The following SCAP variants were observed in gnomAD, a reference collection of about 807,000 sequenced individuals.
SCAP encodes the protein SREBF chaperone, also known as sterol regulatory element-binding protein cleavage-activating protein.
Under a neutral mutation model 123.6 loss-of-function variants are expected in SCAP, and 65 were observed. That is an observed-to-expected ratio of 0.53 (90% confidence interval 0.43 to 0.65). The LOEUF is 0.65. SCAP is among the 30% of genes least tolerant of loss of function. The pLI is 0.00. For synonymous variants in SCAP, 740 were observed against 726.3 expected, an observed-to-expected ratio of 1.02 and a Z score of -0.30; for missense variants, 1,398 against 1,712.5, an observed-to-expected ratio of 0.82 and a Z score of 3.24.
In SCAP at chr3:47,439,078, A is replaced by G. The variant is rs1706700624; in HGVS notation, c.122+3794T>C. On this transcript the variant is annotated intron_variant, in intron 2 of 22. Coordinates refer to ENST00000265565, the MANE Select transcript of SCAP (RefSeq NM_012235.4). This position sits in a 1 kb window ranked among gnomAD's most constrained non-coding sequence, Gnocchi z 4.0. Reference sequence around the variant, plus strand: ...TGACTTACGATGGGGTTATGTCCTGATAACGCTGTCGTAAATTGAAAATAT... The same window carrying G: ...TGACTTACGATGGGGTTATGTCCTGGTAACGCTGTCGTAAATTGAAAATAT... Among the ~76,000 whole-genome samples, 1 of 152,132 alleles carries G rather than the reference A, an allele frequency of 6.6e-6. No homozygotes were observed. Among genetic ancestry groups the G allele is most frequent in the South Asian group, 2.1e-4 (1 of 4,828 alleles).
At position 47,428,571 on chromosome 3, in the gene SCAP, G is replaced by A. The variant is rs1308791748; in HGVS notation, c.352C>T (p.Pro118Ser). ...ACCAGTTGGAATGCCCGGGACAAAG[G>A]TGAACGAAATACATCTACTGCCAGG... Reference protein sequence around the residue: ...NLLAVDVFRSPLSRAFQLVEE... With the variant: ...NLLAVDVFRSSLSRAFQLVEE... The change falls in exon 4 of 23, where the codon CCT becomes TCT. Residue 118 changes from proline to serine, a missense_variant. By Grantham distance (74) the Pro-to-Ser change is moderately conservative (BLOSUM62 -1). Transcript: ENST00000265565. The A allele has an allele frequency of 6.2e-7, 1 of 1,614,182 alleles. No individual in the cohort carries two copies. The highest frequency in any genetic ancestry group is 8.5e-7 in the Non-Finnish European group (1 of 1,180,048).
rs1047277467 is a variant in SCAP at position 47,439,924 on chromosome 3, T to G, written c.122+2948A>C. The stretch of plus-strand genomic sequence containing the variant: ...CACACATCCTCAGTGCTGTTTGGGG[T>G]GAGCCTGATGCATATACAGATGCCC... On this transcript the variant is annotated intron_variant, in intron 2 of 22. Transcript: ENST00000265565. The surrounding 1 kb of genome is among the most constrained non-coding windows in gnomAD (Gnocchi z 4.0). Among the ~76,000 whole-genome samples, 2 of 152,146 alleles carry G rather than the reference T, an allele frequency of 1.3e-5. No individual in the cohort carries two copies. The highest frequency in any genetic ancestry group is 2.9e-5 in the Non-Finnish European group (2 of 68,018).
chr3:47,432,538 C>T (rs578145127), intron 3 of SCAP, among the ~76,000 whole-genome samples: 9 of 152,176 alleles, frequency 5.9e-5, no homozygotes, highest in South Asian at 2.1e-4. Context: ...TCCCACACCA[C>T]GCGTATGCAA....
At chr3:47,418,618 G>GCC in intron 14 of SCAP, 37 bp downstream of exon 14, 1 of 469,592 alleles carries the variant, frequency 2.1e-6, no homozygotes, top group Non-Finnish European at 3.0e-6. Flanking sequence ...CCCCCTCCCC[G>GCC]CACTCTTTCC....
chr3:47,419,422 T>C lies in SCAP; in HGVS notation c.1846A>G (p.Thr616Ala). 6.2e-7 allele frequency: 1 copy of C among 1,611,584 alleles called. No individual in the cohort carries two copies. Among genetic ancestry groups the C allele is most frequent in the African/African-American group, 1.3e-5 (1 of 74,096 alleles). ...AGTTCCTCATCCTCAGGCCCCCAGGTTACCTCTGGGACTGGGCTGTCATGG... is the reference window on the plus strand; with the variant it reads ...AGTTCCTCATCCTCAGGCCCCCAGGCTACCTCTGGGACTGGGCTGTCATGG... The part of the protein sequence containing the change: ...VVHDSPVPEV[T>A]WGPEDEELWR... The change falls in exon 13 of 23, where the codon ACC (threonine) becomes GCC (alanine). Residue 616 changes from threonine to alanine, a missense_variant. By Grantham distance (58) the Thr-to-Ala change is moderately conservative. This residue lies in a region of SCAP where 828 missense variants were observed against 882.5 expected (regional missense o/e 0.94). Transcript: ENST00000265565. The surrounding 1 kb of genome is among the most constrained non-coding windows in gnomAD (Gnocchi z 5.0).
At chr3:47,475,696 A>G (rs1576328088) in intron 1 of SCAP, 103 bp downstream of exon 1, 1 of 152,378 alleles carries the variant, frequency 6.6e-6, no homozygotes, top group Non-Finnish European at 1.5e-5. Flanking sequence ...ATGCCCACGC[A>G]CCCCCGAACC....
chr3:47,425,118 AGTGT>A (rs928102131), intron 8 of SCAP, among the ~76,000 whole-genome samples: 5 of 152,172 alleles, frequency 3.3e-5, no homozygotes, highest in African/African-American at 1.2e-4. Flanking sequence ...ATCAAGCTGC[AGTGT>A]GTGTGTGGTG....
In SCAP at chr3:47,450,225, T is replaced by G. The variant is rs1003814561; in HGVS notation, c.-98-7134A>C. ...GTTGGCCAGGCTGGTCTCCAATTCCTGACCTCAATGAATCTGCCTGCCTCA... is the reference window on the plus strand; with the variant it reads ...GTTGGCCAGGCTGGTCTCCAATTCCGGACCTCAATGAATCTGCCTGCCTCA... On this transcript the variant is annotated intron_variant, in intron 1 of 22. Transcript: ENST00000265565. Among the ~76,000 whole-genome samples the G allele has an allele frequency of 4.8e-5, 6 of 124,542 alleles. 1 individual carries two copies. The highest frequency in any genetic ancestry group is 3.6e-4 in the Admixed American group (4 of 11,258). 81.7% of individuals were successfully genotyped at this position (124,542 alleles called of 152,430 possible). A position where few individuals can be genotyped will look rare whatever the true frequency, so the allele number is the denominator to read the frequency against.
At chr3:47,444,468 A>G (rs1706945808) in intron 1 of SCAP, among the ~76,000 whole-genome samples, 1 of 152,166 alleles carries the variant, frequency 6.6e-6, no homozygotes, top group Non-Finnish European at 1.5e-5. Context: ...CAAGTTTCCA[A>G]TCCAGGAACC....
chr3:47,418,626 T>TA, intron 14 of SCAP, 29 bp downstream of exon 14: 2 of 1,459,552 alleles, frequency 1.4e-6, no homozygotes, highest in Non-Finnish European at 9.5e-7. Context: ...CCGCACTCTT[T>TA]CCCACCCCAC....
chr3:47,428,602 C>G lies in SCAP; in HGVS notation c.321G>C (p.Lys107Asn). 6.2e-7 allele frequency: 1 copy of G among 1,614,162 alleles called. No individual in the cohort carries two copies. Among genetic ancestry groups the G allele is most frequent in the Non-Finnish European group, 8.5e-7 (1 of 1,180,016 alleles). Reference sequence around the variant, plus strand: ...GAAATACATCTACTGCCAGGAGGTTCTTGTGCCAGGGAAACACTGAGGACT... The same window carrying G: ...GAAATACATCTACTGCCAGGAGGTTGTTGTGCCAGGGAAACACTGAGGACT... ...FVKSSVFPWH[K>N]NLLAVDVFRS... The change falls in exon 4 of 23, where the codon AAG (lysine) becomes AAC (asparagine). Residue 107 changes from lysine to asparagine, a missense_variant. By Grantham distance (94) the Lys-to-Asn change is moderately conservative. This residue lies in a region of SCAP where 319 missense variants were observed against 432.4 expected (regional missense o/e 0.74). Transcript: ENST00000265565.
rs1705412782 is a variant in SCAP, at chr3:47,413,709, A to T, written c.*145T>A. 2.7e-6 allele frequency: 3 copies of T among 1,121,492 alleles called. No individual in the cohort carries two copies. The highest frequency in any genetic ancestry group is 2.5e-6 in the Non-Finnish European group (2 of 788,268). 69.5% of individuals were successfully genotyped at this position (1,121,492 alleles called of 1,614,324 possible). ...CTCCCAAAGTGCCTGACAGATGATG[A>T]TATGGTTTTTTAAAAAAGTTTAATA... On this transcript the variant is annotated 3_prime_UTR_variant, in exon 23 of 23. Coordinates refer to ENST00000265565, the MANE Select transcript of SCAP (RefSeq NM_012235.4).
intron 1 of SCAP, among the ~76,000 whole-genome samples, chr3:47,450,065 T>G (rs1420002765): frequency 8.1e-6 from 1 of 123,608 alleles, no homozygotes; most frequent in Admixed American, 8.9e-5. Flanking sequence ...TGGCGTGATC[T>G]CGGCTCACCG....
rs1705825275 is a variant in SCAP at position 47,420,147 on chromosome 3, C to T, written c.1563+407G>A. ...CAGCTCCCTGGAAGAGGCACTGCTG[C>T]CCCAAGGCCAGCCCAGCCCGGCTGG... On this transcript the variant is annotated intron_variant, in intron 12 of 22. Transcript: ENST00000265565. The surrounding 1 kb of genome is among the most constrained non-coding windows in gnomAD (Gnocchi z 5.0). Among the ~76,000 whole-genome samples the T allele has an allele frequency of 6.6e-6, 1 of 152,216 alleles. No homozygotes were observed. Among genetic ancestry groups the T allele is most frequent in the Non-Finnish European group, 1.5e-5 (1 of 68,030 alleles).
At chr3:47,451,590 G>T (rs1707234222) in intron 1 of SCAP, among the ~76,000 whole-genome samples, 1 of 120,152 alleles carries the variant, frequency 8.3e-6, no homozygotes, top group African/African-American at 2.9e-5. Context: ...ATAGAGATGG[G>T]GTTTTACCAT....
chr3:47,449,985 T>G (rs1707183051), intron 1 of SCAP, among the ~76,000 whole-genome samples: 1 of 125,130 alleles, frequency 8.0e-6, no homozygotes, highest in Non-Finnish European at 1.8e-5. Flanking sequence ...CAGGATTCTT[T>G]GCCTTCAAAG....
At chr3:47,417,969 A>C (rs1576249328) in intron 16 of SCAP, 143 bp from the exon 17 acceptor site, 1 of 358,224 alleles carries the variant, frequency 2.8e-6, no homozygotes, top group Non-Finnish European at 5.2e-6. Context: ...GGGTGGGGAG[A>C]GGGGGGTACG....
intron 1 of SCAP, among the ~76,000 whole-genome samples, chr3:47,460,865 A>C (rs1707610994): frequency 6.6e-6 from 1 of 152,162 alleles, no homozygotes; most frequent in Non-Finnish European, 1.5e-5. Flanking sequence ...AAGAACTCTT[A>C]ATATAAACGT....
chr3:47,451,063 G>T (rs1407389879), intron 1 of SCAP, among the ~76,000 whole-genome samples: 1 of 121,502 alleles, frequency 8.2e-6, no homozygotes, highest in Non-Finnish European at 1.8e-5. Context: ...ATGTTGCCCA[G>T]GTTGGTCTTG....
Sources: gnomAD v4.1 joint callset for allele counts (sites outside exome capture counted in the v4.1 genomes callset) on GRCh38, gnomAD v4.1.1 for gene constraint, gnomAD v4.1.1 regional missense constraint, Gnocchi (gnomAD v3.1) non-coding constraint, MANE v1.5 for transcripts, NCBI Gene and HGNC (gene_info 2026-07-23, HGNC 2026-07-21) for gene names.